Variants in ZNF804A observed in about 807,000 individuals in gnomAD.
ZNF804A encodes zinc finger protein 804A.
Under a neutral mutation model 16.5 loss-of-function variants are expected in ZNF804A, and 2 were observed. That is an observed-to-expected ratio of 0.12 (90% CI 0.05 to 0.38). ZNF804A has a LOEUF of 0.38. Ranked by LOEUF, ZNF804A falls within the 10% of genes least tolerant of loss-of-function variation. ZNF804A has a pLI of 0.99. For synonymous variants in ZNF804A, 534 were observed against 489.6 expected (o/e 1.09, Z -1.20); for missense variants, 1,473 against 1,390.7 (o/e 1.06, Z -0.94).
intron 2 of ZNF804A, among the ~76,000 whole-genome samples, chr2:184,866,755 C>T (rs1465489195): frequency 6.7e-6 from 1 of 150,232 alleles, no homozygotes; most frequent in Non-Finnish European, 1.5e-5. Flanking sequence ...CATTCAATTG[C>T]CTTTTAATGA....
chr2:184,767,033 AG>A (rs1485688024), intron 1 of ZNF804A, among the ~76,000 whole-genome samples: 3 of 152,198 alleles, frequency 2.0e-5, no homozygotes, highest in Non-Finnish European at 4.4e-5. Context: ...ACAGCGAGAA[AG>A]CAGCTTTATC....
At chr2:184,849,348 A>G (rs1312565476) in intron 1 of ZNF804A, among the ~76,000 whole-genome samples, 2 of 152,074 alleles carry the variant, frequency 1.3e-5, no homozygotes, top group East Asian at 3.9e-4. Context: ...GAAAGGTGAC[A>G]AAAGCAAACT....
At chr2:184,701,591 G>A (rs997959720) in intron 1 of ZNF804A, among the ~76,000 whole-genome samples, 50 of 151,726 alleles carry the variant, frequency 3.3e-4, no homozygotes, top group African/African-American at 1.2e-3. Flanking sequence ...TTATCTAAAG[G>A]GAGAAAAGAA....
chr2:184,757,523 A>G (rs1479151524), intron 1 of ZNF804A, among the ~76,000 whole-genome samples: 1 of 152,000 alleles, frequency 6.6e-6, no homozygotes, highest in East Asian at 1.9e-4. Context: ...TTAAAGACCA[A>G]GTCATCTTAC....
At chr2:184,744,110 T>C (rs1452915649) in intron 1 of ZNF804A, among the ~76,000 whole-genome samples, 1 of 151,932 alleles carries the variant, frequency 6.6e-6, no homozygotes, top group Non-Finnish European at 1.5e-5. Context: ...AACTGCTCTA[T>C]TTCAGCTCTA....
At chr2:184,911,698 A>T (rs1685361410) in intron 2 of ZNF804A, among the ~76,000 whole-genome samples, 1 of 151,092 alleles carries the variant, frequency 6.6e-6, no homozygotes, top group Admixed American at 6.7e-5. Flanking sequence ...CTCCTTGGTT[A>T]GACGTATTCT....
intron 1 of ZNF804A, among the ~76,000 whole-genome samples, chr2:184,796,864 A>C (rs976211729): frequency 3.3e-5 from 5 of 152,030 alleles, no homozygotes; most frequent in African/African-American, 4.8e-5. Context: ...TTTAATTTCT[A>C]TCTTGATTTT....
intron 1 of ZNF804A, among the ~76,000 whole-genome samples, chr2:184,616,744 T>A (rs1202443370): frequency 6.6e-6 from 1 of 152,136 alleles, no homozygotes; most frequent in East Asian, 1.9e-4. Flanking sequence ...GGAGCACAGA[T>A]TCCAAAACTA....
rs1017218460 is a variant in ZNF804A at position 184,932,146 on chromosome 2, A to C, written c.256-1457A>C. Among the ~76,000 whole-genome samples, 12 of 152,092 alleles carry C rather than the reference A, an allele frequency of 7.9e-5. 1 individual carries two copies. In the South Asian group the frequency reaches 2.5e-3, roughly 32 times the overall value. ...TGTAGGAGGTTTCAAACTTTCTCATATCTTCCTGTCTTCTAAGCCCTCCAC... is the reference window on the plus strand; with the variant it reads ...TGTAGGAGGTTTCAAACTTTCTCATCTCTTCCTGTCTTCTAAGCCCTCCAC... On this transcript the variant is annotated intron_variant, in intron 2 of 3. Transcript: ENST00000302277.
At chr2:184,732,414 A>G (rs1360685740) in intron 1 of ZNF804A, among the ~76,000 whole-genome samples, 1 of 152,110 alleles carries the variant, frequency 6.6e-6, no homozygotes, top group African/African-American at 2.4e-5. Context: ...TTTTTCACCA[A>G]TACTACACTG....
At chr2:184,669,251 C>T (rs911158863) in intron 1 of ZNF804A, among the ~76,000 whole-genome samples, 1 of 151,958 alleles carries the variant, frequency 6.6e-6, no homozygotes, top group African/African-American at 2.4e-5. Context: ...GGAAATACAG[C>T]CCATGAAATG....
chr2:184,816,410 T>C (rs1010086357), intron 1 of ZNF804A, among the ~76,000 whole-genome samples: 3 of 152,036 alleles, frequency 2.0e-5, no homozygotes, highest in African/African-American at 7.2e-5. Flanking sequence ...TGGCACTTTC[T>C]CCATTAGAGA....
chr2:184,684,783 CCACTTATAAGTGAGAATGTACGGT>C (rs1692601089), intron 1 of ZNF804A, among the ~76,000 whole-genome samples: 1 of 152,076 alleles, frequency 6.6e-6, no homozygotes, highest in Non-Finnish European at 1.5e-5. Flanking sequence ...TATTTAGCTC[CCACTTATAAGTGAGAATGTACGGT>C]GTTTGATTTT....
At chr2:184,882,548 C>G (rs931930820) in intron 2 of ZNF804A, among the ~76,000 whole-genome samples, 5 of 151,762 alleles carry the variant, frequency 3.3e-5, no homozygotes, top group Admixed American at 1.3e-4. Context: ...TCATATAAAA[C>G]AATGCTCAGC....
At chr2:184,911,936 G>T (rs1411226950) in intron 2 of ZNF804A, among the ~76,000 whole-genome samples, 1 of 151,228 alleles carries the variant, frequency 6.6e-6, no homozygotes, top group Non-Finnish European at 1.5e-5. Context: ...TGTTTTTACT[G>T]ATTAAAAATA....
At chr2:184,910,252 G>C (rs549197651) in intron 2 of ZNF804A, among the ~76,000 whole-genome samples, 2 of 151,972 alleles carry the variant, frequency 1.3e-5, no homozygotes, top group Admixed American at 6.6e-5. Flanking sequence ...GCATTAATTT[G>C]CTCAGGATAA....
chr2:184,912,858 A>G (rs76260591), intron 2 of ZNF804A, among the ~76,000 whole-genome samples: 8,592 of 152,098 alleles, frequency 0.056, 832 homozygotes, highest in African/African-American at 0.19. Flanking sequence ...TTATTTGCAA[A>G]CAATCCACCT....
chr2:184,711,498 C>G (rs116538793), intron 1 of ZNF804A, among the ~76,000 whole-genome samples: 4 of 151,738 alleles, frequency 2.6e-5, no homozygotes, highest in Admixed American at 6.6e-5. Context: ...TGTGCAGAAG[C>G]TTTTAAGTTA....
At chr2:184,786,752 T>A (rs1270514409) in intron 1 of ZNF804A, among the ~76,000 whole-genome samples, 1 of 152,008 alleles carries the variant, frequency 6.6e-6, no homozygotes, top group Non-Finnish European at 1.5e-5. Flanking sequence ...TATAAAATTC[T>A]TATTGATGAA....
Sources: allele counts gnomAD v4.1 joint callset (sites outside exome capture counted in the v4.1 genomes callset), GRCh38; gene constraint gnomAD v4.1.1; transcripts MANE v1.5; gene names NCBI Gene and HGNC (gene_info 2026-07-23, HGNC 2026-07-21).